The following NEXN variants were observed in gnomAD, a reference collection of about 807,000 sequenced individuals.
The protein encoded by NEXN is nexilin.
NEXN carries 65 observed loss-of-function variants against 92.6 expected under a neutral mutation model. The observed-to-expected ratio is 0.70, with a 90% CI of 0.57 to 0.86. NEXN has a LOEUF of 0.86. NEXN is among the 40% of genes least tolerant of loss of function. The pLI is 0.00. For synonymous variants in NEXN, 254 were observed against 242.5 expected (o/e 1.05, Z -0.44); for missense variants, 778 against 771.1 (o/e 1.01, Z -0.11).
chr1:77,919,823 T>C (rs1194689616), intron 5 of NEXN, among the ~76,000 whole-genome samples: 2 of 151,706 alleles, frequency 1.3e-5, no homozygotes, highest in African/African-American at 4.8e-5. Flanking sequence ...TGGTCTTGAA[T>C]TCCTGACCTC....
At chr1:77,893,495 TTTAG>T (rs1207468568) in intron 1 of NEXN, among the ~76,000 whole-genome samples, 6 of 152,144 alleles carry the variant, frequency 3.9e-5, no homozygotes, top group African/African-American at 9.7e-5. Context: ...TTTTTATTAT[TTTAG>T]TTAGTGCATC....
chr1:77,917,783 T>C (rs1416827642), intron 3 of NEXN, 26 bp downstream of exon 3: 1 of 1,552,164 alleles, frequency 6.4e-7, no homozygotes, highest in South Asian at 1.1e-5. Flanking sequence ...TTTATTCTCG[T>C]GAAAATATTT....
chr1:77,899,393 C>T (rs569605691), intron 1 of NEXN, among the ~76,000 whole-genome samples: 2 of 151,996 alleles, frequency 1.3e-5, no homozygotes, highest in Non-Finnish European at 2.9e-5. Context: ...TCATTCTCAG[C>T]AAACTATCGC....
intron 1 of NEXN, among the ~76,000 whole-genome samples, chr1:77,897,090 G>C (rs1414764158): frequency 6.6e-6 from 1 of 152,186 alleles, no homozygotes; most frequent in Non-Finnish European, 1.5e-5. Flanking sequence ...ACAAAGAAGA[G>C]CTGGTACCAT....
chr1:77,933,764 AT>A (rs1277805784), intron 10 of NEXN, among the ~76,000 whole-genome samples: 4 of 152,174 alleles, frequency 2.6e-5, no homozygotes, highest in Non-Finnish European at 5.9e-5. Flanking sequence ...TATTCAATAC[AT>A]ATATTATATA....
chr1:77,942,407 C>T lies in NEXN; in HGVS notation c.1660-54C>T, dbSNP rs1325351872. ...TTTCATTTCAAAATTGTTACTAAAT[C>T]GCTGCCCTGAAAATACTATAAATGC... On this transcript the variant is annotated intron_variant, in intron 12 of 12. Coordinates refer to ENST00000334785, the MANE Select transcript of NEXN (RefSeq NM_144573.4). 18 of 1,569,446 alleles carry T rather than the reference C, an allele frequency of 1.1e-5. No homozygotes were observed. The East Asian group carries it at 2.5e-4, about 21-fold the overall frequency.
intron 1 of NEXN, among the ~76,000 whole-genome samples, chr1:77,898,448 G>C (rs1248864207): frequency 1.3e-5 from 2 of 152,162 alleles, no homozygotes; most frequent in Non-Finnish European, 2.9e-5. Flanking sequence ...TGGGAAAACT[G>C]GCTAGCCATA....
chr1:77,934,360 C>CTTTA (rs1650574581), intron 10 of NEXN, among the ~76,000 whole-genome samples: 2 of 152,114 alleles, frequency 1.3e-5, no homozygotes, highest in Admixed American at 1.3e-4. Context: ...ATTGCCCAGG[C>CTTTA]TGGTCTCAAA....
chr1:77,940,467 C>T (rs1651168853), intron 11 of NEXN, among the ~76,000 whole-genome samples: 1 of 152,168 alleles, frequency 6.6e-6, no homozygotes, highest in African/African-American at 2.4e-5. Context: ...GACTGCAGAA[C>T]TGTGCATAAA....
chr1:77,925,037 T>C, intron 5 of NEXN, 151 bp from the exon 6 acceptor site: 1 of 604,024 alleles, frequency 1.7e-6, no homozygotes, highest in East Asian at 2.9e-5. Context: ...AAGGATATAT[T>C]TGGCTAATTT....
intron 1 of NEXN, among the ~76,000 whole-genome samples, chr1:77,892,531 T>A (rs550488418): frequency 6.6e-6 from 1 of 152,352 alleles, no homozygotes; most frequent in Non-Finnish European, 1.5e-5. Context: ...TTACATTACC[T>A]GACCCTGAAT....
intron 1 of NEXN, among the ~76,000 whole-genome samples, chr1:77,894,715 T>C (rs1209355857): frequency 1.3e-5 from 2 of 150,064 alleles, no homozygotes; most frequent in Non-Finnish European, 3.0e-5. Flanking sequence ...TATAGTATAC[T>C]TTTTTTTCCT....
chr1:77,920,569 TATG>T (rs1281808161), intron 5 of NEXN, among the ~76,000 whole-genome samples: 2 of 132,786 alleles, frequency 1.5e-5, no homozygotes, highest in East Asian at 4.6e-4. Flanking sequence ...TGCAGTGAGC[TATG>T]ATAATTTCAC....
intron 1 of NEXN, among the ~76,000 whole-genome samples, chr1:77,900,777 C>G (rs554416983): frequency 3.4e-4 from 51 of 152,128 alleles, no homozygotes; most frequent in Non-Finnish European, 6.2e-4. Flanking sequence ...ATCTTTTGAT[C>G]ACTGGTTTCT....
intron 5 of NEXN, among the ~76,000 whole-genome samples, chr1:77,920,184 C>T (rs557696301): frequency 1.3e-5 from 2 of 152,246 alleles, no homozygotes; most frequent in African/African-American, 4.8e-5. Flanking sequence ...GCATGAGCCA[C>T]CGCACCCGGC....
chr1:77,942,431 G>A, intron 12 of NEXN, 30 bp from the exon 13 acceptor site: 1 of 1,604,622 alleles, frequency 6.2e-7, no homozygotes, highest in Non-Finnish European at 8.5e-7. Context: ...TACTATAAAT[G>A]CCAACCTGAA....
intron 1 of NEXN, among the ~76,000 whole-genome samples, chr1:77,893,432 A>G (rs1647152530): frequency 6.6e-6 from 1 of 152,088 alleles, no homozygotes; most frequent in African/African-American, 2.4e-5. Flanking sequence ...CTGAAGCCTC[A>G]GGTTTCTGGT....
chr1:77,908,740 G>GT (rs1049698546), intron 1 of NEXN, among the ~76,000 whole-genome samples: 2 of 152,112 alleles, frequency 1.3e-5, no homozygotes, highest in Non-Finnish European at 2.9e-5. Context: ...GGAAAGATAG[G>GT]TTTTTTCCTA....
In NEXN at chr1:77,943,032, C is replaced by G. The variant is rs1355839380; in HGVS notation, c.*203C>G. On this transcript the variant is annotated 3_prime_UTR_variant, in exon 13 of 13. Transcript: ENST00000334785. ...GTGCCACTATGCTGACTTCTTATTCCTTTTCATAACAGTCTTCAAAGCACA... is the reference window on the plus strand; with the variant it reads ...GTGCCACTATGCTGACTTCTTATTCGTTTTCATAACAGTCTTCAAAGCACA... The G allele has an allele frequency of 9.6e-6, 6 of 626,966 alleles. No homozygotes were observed. Among genetic ancestry groups the G allele is most frequent in the Admixed American group, 2.4e-5 (1 of 41,244 alleles). The allele number at this position is 626,966 out of a possible 1,614,324, so 38.8% of individuals were successfully genotyped here. A position where few individuals can be genotyped will look rare whatever the true frequency, so the allele number is the denominator to read the frequency against.
Sources: allele counts gnomAD v4.1 joint callset (sites outside exome capture counted in the v4.1 genomes callset), GRCh38; gene constraint gnomAD v4.1.1; transcripts MANE v1.5; gene names NCBI Gene and HGNC (gene_info 2026-07-23, HGNC 2026-07-21).